Variants in LUC7L3 observed in about 807,000 individuals in gnomAD.
LUC7L3 encodes the protein LUC7 like 3 pre-mRNA splicing factor, also known as luc7-like protein 3.
LUC7L3 carries 6 observed loss-of-function variants against 66.8 expected under a neutral mutation model. That is an observed-to-expected ratio of 0.09 (90% CI 0.05 to 0.18). The LOEUF (loss-of-function observed/expected upper bound fraction) is 0.18. Ranked by LOEUF, LUC7L3 falls within the 10% of genes least tolerant of loss-of-function variation. LUC7L3 has a pLI of 1.00. For synonymous variants in LUC7L3, 160 were observed against 174.7 expected, an observed-to-expected ratio of 0.92 and a Z score of 0.66; for missense variants, 341 against 531.1, an observed-to-expected ratio of 0.64 and a Z score of 3.52.
At chr17:50,721,928 A>G (rs1369975195) in intron 1 of LUC7L3, 1 of 151,428 alleles carries the variant, frequency 6.6e-6, no homozygotes, top group Non-Finnish European at 1.5e-5. Flanking sequence ...TGGAATAGAG[A>G]TAAATACCAA....
chr17:50,723,757 G>C (rs967490608), intron 1 of LUC7L3: 9 of 314,562 alleles, frequency 2.9e-5, no homozygotes, highest in South Asian at 1.8e-4. Context: ...TGGCCTCAGC[G>C]TCCCGAGTAA....
chr17:50,747,778 T>C (rs1362368184), intron 9 of LUC7L3, among the ~76,000 whole-genome samples: 1 of 152,236 alleles, frequency 6.6e-6, no homozygotes. Context: ...TTTTCTGAAA[T>C]ATTTAACATC....
chr17:50,739,728 CA>C (rs1267456823), intron 2 of LUC7L3, among the ~76,000 whole-genome samples: 2 of 152,114 alleles, frequency 1.3e-5, no homozygotes, highest in Non-Finnish European at 2.9e-5. Context: ...TTTGGCCTGA[CA>C]GTGAATAGTA....
At chr17:50,724,756 C>T (rs1370615201) in intron 1 of LUC7L3, among the ~76,000 whole-genome samples, 6 of 128,476 alleles carry the variant, frequency 4.7e-5, no homozygotes, top group East Asian at 4.6e-4. Flanking sequence ...AATATTTTCT[C>T]TTTTTTTTTT....
chr17:50,737,226 CAT>C, intron 2 of LUC7L3, 200 bp downstream of exon 2: 1 of 647,422 alleles, frequency 1.5e-6, no homozygotes, highest in East Asian at 2.9e-5. Flanking sequence ...CTTAATTAAA[CAT>C]ACATGTCTAT....
rs1437394030 is a variant in LUC7L3, at chr17:50,756,169, T to C, written c.*5508T>C. 6.6e-6 allele frequency: 1 copy of C among 152,112 alleles called. No individual in the cohort carries two copies. The highest frequency in any genetic ancestry group is 1.5e-5 in the Non-Finnish European group (1 of 68,070). 9.4% of individuals were successfully genotyped at this position (152,112 alleles called of 1,614,324 possible). A position where few individuals can be genotyped will look rare whatever the true frequency, so the allele number is the denominator to read the frequency against. On this transcript the variant is annotated 3_prime_UTR_variant, in exon 10 of 10. Coordinates refer to ENST00000505658, the MANE Select transcript of LUC7L3 (RefSeq NM_016424.5). ...TTTTAATCTGTATGTTTATGTGCTTTTGTATGTATGATATTTCTTAATAAA... is the reference window on the plus strand; with the variant it reads ...TTTTAATCTGTATGTTTATGTGCTTCTGTATGTATGATATTTCTTAATAAA...
chr17:50,727,771 G>T (rs1319600111), intron 1 of LUC7L3, among the ~76,000 whole-genome samples: 1 of 152,076 alleles, frequency 6.6e-6, no homozygotes. Context: ...GTTTTTGTTG[G>T]GTGGGGTAGT....
intron 1 of LUC7L3, among the ~76,000 whole-genome samples, chr17:50,720,771 T>G (rs1011091733): frequency 6.6e-6 from 1 of 152,232 alleles, no homozygotes; most frequent in African/African-American, 2.4e-5. Context: ...TTTAGAAAAC[T>G]GTTTTCTTAC....
At chr17:50,737,280 T>A (rs1325843659) in intron 2 of LUC7L3, 1 of 588,582 alleles carries the variant, frequency 1.7e-6, no homozygotes. Flanking sequence ...AAAAAAATTT[T>A]AAAAAGATGT....
At chr17:50,727,996 TAGCCCCAGCTACTCGAGAGGCTG>T in intron 1 of LUC7L3, among the ~76,000 whole-genome samples, 1 of 150,960 alleles carries the variant, frequency 6.6e-6, no homozygotes, top group Non-Finnish European at 1.5e-5. Context: ...CAGGCGCCTG[TAGCCCCAGCTACTCGAGAGGCTG>T]AGACGGGAGA....
rs372178620 is a variant in LUC7L3 at position 50,751,495 on chromosome 17, G to A, written c.*834G>A. 4.1e-5 allele frequency: 48 copies of A among 1,183,710 alleles called. No homozygotes were observed. Among genetic ancestry groups the A allele is most frequent in the Non-Finnish European group, 4.9e-5 (46 of 937,400 alleles). 73.3% of individuals were successfully genotyped at this position (1,183,710 alleles called of 1,614,324 possible). On this transcript the variant is annotated 3_prime_UTR_variant, in exon 10 of 10. Transcript: ENST00000505658. ...TGCAGAGGGGTTTTTTGTGTATTGC[G>A]TGAAAACTTATAAAACAAATGTTAA...
chr17:50,747,237 T>G (rs956113429), intron 9 of LUC7L3, among the ~76,000 whole-genome samples: 2 of 90,178 alleles, frequency 2.2e-5, no homozygotes, highest in African/African-American at 1.7e-4. Flanking sequence ...TTTTTCTTTT[T>G]TTTTTTTTTT....
At chr17:50,747,870 G>C (rs1324534822) in intron 9 of LUC7L3, among the ~76,000 whole-genome samples, 1 of 152,160 alleles carries the variant, frequency 6.6e-6, no homozygotes, top group Non-Finnish European at 1.5e-5. Flanking sequence ...CATTCAAGTT[G>C]AGAACTTGCT....
chr17:50,753,410 A>G lies in LUC7L3; in HGVS notation c.*2749A>G, dbSNP rs1298191067. 6.6e-6 allele frequency: 1 copy of G among 152,584 alleles called. No individual in the cohort carries two copies. The highest frequency in any genetic ancestry group is 1.9e-4 in the East Asian group (1 of 5,204). 9.5% of individuals were successfully genotyped at this position (152,584 alleles called of 1,614,324 possible). A position where few individuals can be genotyped will look rare whatever the true frequency, so the allele number is the denominator to read the frequency against. On this transcript the variant is annotated 3_prime_UTR_variant, in exon 10 of 10. Coordinates refer to ENST00000505658, the MANE Select transcript of LUC7L3 (RefSeq NM_016424.5). ...CCTGTTAAGCCACTGTGTTCATTCT[A>G]ATAGGCATAATGAATTGTTAAAGAA... is the stretch of plus-strand genomic sequence containing the variant.
In LUC7L3 at chr17:50,752,149, G is replaced by A. The variant is rs1046717181; in HGVS notation, c.*1488G>A. On this transcript the variant is annotated 3_prime_UTR_variant, in exon 10 of 10. Coordinates refer to ENST00000505658, the MANE Select transcript of LUC7L3 (RefSeq NM_016424.5). ...GGCCAACACTTTCTCATAAAAATTG[G>A]CCTTTTACATGTTGTCTAATTATCA... 26 of 1,275,316 alleles carry A rather than the reference G, an allele frequency of 2.0e-5. No individual in the cohort carries two copies. In the East Asian group the frequency reaches 3.5e-4, roughly 17 times the overall value. 79.0% of individuals were successfully genotyped at this position (1,275,316 alleles called of 1,614,324 possible).
rs1970976976 is a variant in LUC7L3, at chr17:50,751,607, A to G, written c.*946A>G. On this transcript the variant is annotated 3_prime_UTR_variant, in exon 10 of 10. Transcript: ENST00000505658. The stretch of plus-strand genomic sequence containing the variant: ...TTAAAGAATTTTAAATACAATAAAC[A>G]CTTCATATTATTCGCCTTGTTACAC... 8.8e-7 allele frequency: 1 copy of G among 1,139,006 alleles called. No homozygotes were observed. The highest frequency in any genetic ancestry group is 4.3e-5 in the Admixed American group (1 of 23,320). The allele number at this position is 1,139,006 out of a possible 1,614,324, so 70.6% of individuals were successfully genotyped here.
At chr17:50,742,009 G>A (rs1267350027) in intron 5 of LUC7L3, among the ~76,000 whole-genome samples, 1 of 152,178 alleles carries the variant, frequency 6.6e-6, no homozygotes, top group East Asian at 1.9e-4. Context: ...CTACAAGGGC[G>A]AGGCTGTAGT....
At chr17:50,731,239 G>T (rs906188628) in intron 1 of LUC7L3, among the ~76,000 whole-genome samples, 3 of 152,134 alleles carry the variant, frequency 2.0e-5, no homozygotes, top group Non-Finnish European at 4.4e-5. Flanking sequence ...TGCGATCTCA[G>T]CTAACTGCAA....
intron 1 of LUC7L3, among the ~76,000 whole-genome samples, chr17:50,726,855 C>T (rs190982338): frequency 3.9e-5 from 6 of 152,026 alleles, no homozygotes; most frequent in East Asian, 3.9e-4. Context: ...TTTGGGAGGC[C>T]GAGGTGGGCG....
Sources: allele counts gnomAD v4.1 joint callset (sites outside exome capture counted in the v4.1 genomes callset), GRCh38; gene constraint gnomAD v4.1.1; transcripts MANE v1.5; gene names NCBI Gene and HGNC (gene_info 2026-07-23, HGNC 2026-07-21).